The following ABCB5 variants were observed in gnomAD, a reference collection of about 807,000 sequenced individuals.
ABCB5 encodes the protein ATP-binding cassette sub-family B member 5.
ABCB5 carries 155 observed loss-of-function variants against 144.2 expected under a neutral mutation model. The observed-to-expected ratio is 1.08, with a 90% CI of 0.94 to 1.23. ABCB5 has a LOEUF of 1.23. ABCB5 is among the 50% of genes most tolerant of loss of function. The pLI is 0.00. For missense variants in ABCB5, 1,830 were observed against 1,520.8 expected (o/e 1.20, Z -3.38); for synonymous variants, 610 against 528.6 (o/e 1.15, Z -2.11).
chr7:20,727,207 A>G, intron 22 of ABCB5, 67 bp downstream of exon 22: 1 of 1,131,170 alleles, frequency 8.8e-7, no homozygotes, highest in South Asian at 1.4e-5. Flanking sequence ...CTCTCAAATG[A>G]CTCCAGTGGT....
At chr7:20,680,288 G>A (rs193256652) in intron 14 of ABCB5, among the ~76,000 whole-genome samples, 2 of 152,174 alleles carry the variant, frequency 1.3e-5, no homozygotes, top group African/African-American at 4.8e-5. Flanking sequence ...GGCCGAGCGC[G>A]GTGGTCACGC....
rs189302938 is a variant in ABCB5 at position 20,626,960 on chromosome 7, A to G, written c.108+349A>G. ...AAATTATCAGTGACTTTTACTATCT[A>G]TGTTTACATTTCAGTATATTCCAAT... On this transcript the variant is annotated intron_variant, in intron 3 of 27. Coordinates refer to ENST00000404938, the MANE Select transcript of ABCB5 (RefSeq NM_001163941.2). 3.1e-3 allele frequency among the ~76,000 whole-genome samples: 463 copies of G among 151,792 alleles called. 11 individuals are homozygous for G. Among genetic ancestry groups the G allele is most frequent in the Admixed American group, 0.028 (425 of 15,216 alleles).
intron 13 of ABCB5, among the ~76,000 whole-genome samples, chr7:20,654,145 C>T (rs541930234): frequency 2.6e-5 from 4 of 152,084 alleles, no homozygotes; most frequent in South Asian, 2.1e-4. Context: ...TCAGTCAGTG[C>T]TTGAGTTGCC....
At chr7:20,740,192 A>T (rs545529600) in intron 24 of ABCB5, among the ~76,000 whole-genome samples, 2 of 152,232 alleles carry the variant, frequency 1.3e-5, no homozygotes, top group African/African-American at 4.8e-5. Flanking sequence ...GTGAGCCGAG[A>T]TCACGCCACT....
intron 26 of ABCB5, among the ~76,000 whole-genome samples, chr7:20,749,794 AGGTG>A (rs1782860535): frequency 1.3e-5 from 2 of 152,200 alleles, no homozygotes; most frequent in Non-Finnish European, 2.9e-5. Context: ...GAGAATTAAG[AGGTG>A]ATCTGAGTAT....
intron 20 of ABCB5, among the ~76,000 whole-genome samples, chr7:20,706,712 AG>A (rs1282110119): frequency 1.3e-5 from 2 of 152,198 alleles, no homozygotes; most frequent in South Asian, 2.1e-4. Flanking sequence ...AAGTAAAACA[AG>A]GGGTAAACTG....
At chr7:20,652,241 T>C (rs1047847864) in intron 13 of ABCB5, among the ~76,000 whole-genome samples, 8 of 152,210 alleles carry the variant, frequency 5.3e-5, no homozygotes, top group Non-Finnish European at 1.5e-5. Context: ...TATGATCATT[T>C]TTTAAAGCAC....
intron 19 of ABCB5, among the ~76,000 whole-genome samples, chr7:20,704,171 G>A (rs1786736084): frequency 7.3e-6 from 1 of 137,040 alleles, no homozygotes; most frequent in Non-Finnish European, 1.5e-5. Flanking sequence ...TGCCTCCCAG[G>A]CTCAAGCAAT....
At chr7:20,749,013 A>T (rs1291511628) in intron 26 of ABCB5, among the ~76,000 whole-genome samples, 2 of 151,932 alleles carry the variant, frequency 1.3e-5, no homozygotes, top group African/African-American at 4.8e-5. Context: ...CTTCCTCAAA[A>T]TTTACTTTCC....
At chr7:20,670,187 C>T (rs1432830498) in intron 14 of ABCB5, among the ~76,000 whole-genome samples, 1 of 151,938 alleles carries the variant, frequency 6.6e-6, no homozygotes, top group Non-Finnish European at 1.5e-5. Flanking sequence ...GATCCTAGAA[C>T]AGAAAAAGAA....
At chr7:20,660,856 T>A (rs1355683343) in intron 14 of ABCB5, among the ~76,000 whole-genome samples, 2 of 152,116 alleles carry the variant, frequency 1.3e-5, no homozygotes, top group African/African-American at 4.8e-5. Context: ...CCCTCACATA[T>A]CCCTTCCATC....
intron 16 of ABCB5, among the ~76,000 whole-genome samples, chr7:20,687,392 TA>T (rs1443645733): frequency 6.6e-6 from 1 of 152,186 alleles, no homozygotes; most frequent in East Asian, 1.9e-4. Flanking sequence ...TGGAAACTGA[TA>T]AAATATAAAA....
At chr7:20,704,668 AG>A in intron 19 of ABCB5, 55 bp from the exon 20 acceptor site, 1 of 1,424,124 alleles carries the variant, frequency 7.0e-7, no homozygotes, top group Non-Finnish European at 9.8e-7. Context: ...AAAAATCACA[AG>A]TCAGATAAAA....
At chr7:20,745,542 T>C in intron 26 of ABCB5, 104 bp downstream of exon 26, 2 of 1,021,368 alleles carry the variant, frequency 2.0e-6, no homozygotes, top group Admixed American at 5.2e-5. Flanking sequence ...TTATACAATG[T>C]ATTTATTGCC....
rs1784525937 is a variant in ABCB5, at chr7:20,649,909, A to G, written c.1207-113A>G. 8 of 1,175,704 alleles carry G rather than the reference A, an allele frequency of 6.8e-6. No homozygotes were observed. The East Asian group carries it at 1.8e-4, about 27-fold the overall frequency. The allele number at this position is 1,175,704 out of a possible 1,614,324, so 72.8% of individuals were successfully genotyped here. On this transcript the variant is annotated intron_variant, in intron 11 of 27. Transcript: ENST00000404938. ...ATGAAACAAACATAACAAGATCTAA[A>G]TTTGTTTTTAGAAGAATTTGTTTTT...
chr7:20,625,755 C>G (rs1783894992), intron 2 of ABCB5, among the ~76,000 whole-genome samples: 2 of 152,082 alleles, frequency 1.3e-5, no homozygotes, highest in South Asian at 2.1e-4. Context: ...CTCAAAAAAT[C>G]AATAATAGGT....
intron 16 of ABCB5, among the ~76,000 whole-genome samples, chr7:20,688,174 C>T (rs1786065281): frequency 6.6e-6 from 1 of 152,052 alleles, no homozygotes; most frequent in African/African-American, 2.4e-5. Flanking sequence ...GCCTGGGCAA[C>T]AGAGTGAGAC....
chr7:20,755,473 T>G lies in ABCB5; in HGVS notation c.3623T>G (p.Leu1208Arg). The G allele has an allele frequency of 6.2e-7, 1 of 1,614,212 alleles. No homozygotes were observed. ...AAAGCCAGGACGGGAAGGACATGCC[T>G]AGTGGTCACTCACAGGCTCTCTGCA... ...LDKARTGRTC[L>R]VVTHRLSAIQ... The change falls in exon 28 of 28, where the codon CTA becomes CGA. Residue 1208 changes from leucine (L) to arginine (R), a missense_variant. Coordinates refer to ENST00000404938, the MANE Select transcript of ABCB5 (RefSeq NM_001163941.2).
rs1562573734 is a variant in ABCB5 at position 20,711,836 on chromosome 7, CTTT to C, written c.2421+7030_2421+7032del. Among the ~76,000 whole-genome samples the C allele has an allele frequency of 2.6e-4, 15 of 57,364 alleles. 1 individual carries two copies. The highest frequency in any genetic ancestry group is 1.9e-3 in the African/African-American group (13 of 6,742). 37.6% of individuals were successfully genotyped at this position (57,364 alleles called of 152,430 possible). On this transcript the variant is annotated intron_variant, in intron 20 of 27. Coordinates refer to ENST00000404938, the MANE Select transcript of ABCB5 (RefSeq NM_001163941.2). ...TCTTTCTTTCTTTCTTTCTTTCTTT[CTTT>C]CTTTCTTTTCTTTCTTTCTTTCCTT...
Sources: gnomAD v4.1 joint callset for allele counts (sites outside exome capture counted in the v4.1 genomes callset) on GRCh38, gnomAD v4.1.1 for gene constraint, MANE v1.5 for transcripts, NCBI Gene and HGNC (gene_info 2026-07-23, HGNC 2026-07-21) for gene names.